DACH2: variants seen among roughly 807,000 people sequenced by gnomAD.
The protein encoded by DACH2 is dachshund family transcription factor 2, also known as dachshund homolog 2.
Under a neutral mutation model 35.8 loss-of-function variants are expected in DACH2, and 17 were observed. The observed-to-expected ratio is 0.48, with a 90% CI of 0.33 to 0.71. The LOEUF is 0.71. Ranked by LOEUF, DACH2 falls within the 30% of genes least tolerant of loss-of-function variation. DACH2 has a pLI of 0.02. For synonymous variants in DACH2, 195 were observed against 177.3 expected (o/e 1.10, Z -0.79); for missense variants, 469 against 472.7 (o/e 0.99, Z 0.07).
intron 1 of DACH2, among the ~76,000 whole-genome samples, chrX:86,316,784 C>T (rs1432269014): frequency 9.0e-6 from 1 of 110,521 alleles, no homozygotes; most frequent in Non-Finnish European, 1.9e-5. Flanking sequence ...AGCTTGATGG[C>T]TTGTAAGTGA....
intron 3 of DACH2, among the ~76,000 whole-genome samples, chrX:86,523,195 A>G (rs1026459276): frequency 8.9e-6 from 1 of 111,888 alleles, no homozygotes; most frequent in African/African-American, 3.2e-5. Flanking sequence ...CAATTCAGCA[A>G]TAGTACCTAC....
chrX:86,531,950 C>A (rs1354269242), intron 3 of DACH2, among the ~76,000 whole-genome samples: 3 of 113,047 alleles, frequency 2.7e-5, no homozygotes, highest in Non-Finnish European at 3.7e-5. Context: ...CATCAGCATA[C>A]CCTGGATGTG....
chrX:86,217,774 A>G lies in DACH2; in HGVS notation c.488+68666A>G, dbSNP rs764237231. Among the ~76,000 whole-genome samples, 7 of 112,217 alleles carry G rather than the reference A, an allele frequency of 6.2e-5. 1 individual carries two copies. The South Asian group carries it at 2.2e-3, about 35-fold the overall frequency. The stretch of plus-strand genomic sequence containing the variant: ...AAGAAAAAGAAACAAATATTTTATC[A>G]TTAATAACATTGTAGAAGAAATCAG... On this transcript the variant is annotated intron_variant, in intron 1 of 11. Transcript: ENST00000373125.
chrX:86,391,977 AT>A (rs200256603), intron 2 of DACH2, among the ~76,000 whole-genome samples: 339 of 110,220 alleles, frequency 3.1e-3, no homozygotes, highest in African/African-American at 8.5e-3. Flanking sequence ...ATAGTTTGCA[AT>A]TTTTTTTTAT....
intron 3 of DACH2, among the ~76,000 whole-genome samples, chrX:86,590,552 A>C (rs2039631597): frequency 8.9e-6 from 1 of 112,073 alleles, no homozygotes; most frequent in African/African-American, 3.2e-5. Context: ...ATATGTGGCT[A>C]TACATTTTCA....
chrX:86,618,881 T>C (rs1327585856), intron 3 of DACH2, among the ~76,000 whole-genome samples: 19 of 112,123 alleles, frequency 1.7e-4, no homozygotes, highest in Non-Finnish European at 2.1e-4. Flanking sequence ...TACTTGCTTA[T>C]TTATATAAAC....
At chrX:86,222,150 G>A (rs1043711956) in intron 1 of DACH2, among the ~76,000 whole-genome samples, 6 of 112,120 alleles carry the variant, frequency 5.4e-5, no homozygotes, top group South Asian at 7.3e-4. Flanking sequence ...ATAGTGCCCC[G>A]TAAACTCTTA....
intron 4 of DACH2, among the ~76,000 whole-genome samples, chrX:86,661,662 G>A (rs1379813333): frequency 8.9e-6 from 1 of 112,204 alleles, no homozygotes; most frequent in Admixed American, 9.5e-5. Flanking sequence ...CGCAAGATTT[G>A]TGTAGACATA....
At chrX:86,772,009 CA>C (rs2041992114) in intron 7 of DACH2, among the ~76,000 whole-genome samples, 1 of 111,591 alleles carries the variant, frequency 9.0e-6, no homozygotes, top group African/African-American at 3.3e-5. Context: ...GCTAACAGTG[CA>C]GAATCTAGAG....
intron 1 of DACH2, among the ~76,000 whole-genome samples, chrX:86,279,012 G>A (rs1024522886): frequency 8.9e-6 from 1 of 111,843 alleles, no homozygotes; most frequent in Admixed American, 9.5e-5. Context: ...CTACGGGCAG[G>A]GCATCTTTAA....
intron 2 of DACH2, among the ~76,000 whole-genome samples, chrX:86,498,405 G>A (rs1471787869): frequency 1.8e-5 from 2 of 112,266 alleles, no homozygotes; most frequent in African/African-American, 6.5e-5. Flanking sequence ...TATGGCTGAA[G>A]AGTAATATTT....
intron 2 of DACH2, among the ~76,000 whole-genome samples, chrX:86,508,493 G>A (rs1354414450): frequency 9.1e-6 from 1 of 110,248 alleles, no homozygotes; most frequent in African/African-American, 3.3e-5. Context: ...CCGGGAAGCA[G>A]AGGTTGCAGT....
intron 3 of DACH2, among the ~76,000 whole-genome samples, chrX:86,528,456 A>G (rs369513943): frequency 8.9e-6 from 1 of 111,908 alleles, no homozygotes; most frequent in Non-Finnish European, 1.9e-5. Flanking sequence ...TCTGGCCACA[A>G]GAGATAAAAG....
intron 3 of DACH2, among the ~76,000 whole-genome samples, chrX:86,643,118 G>A (rs2040367284): frequency 9.5e-6 from 1 of 105,600 alleles, no homozygotes; most frequent in African/African-American, 3.4e-5. Context: ...GAGCTGAACT[G>A]AAGGGAACTG....
At chrX:86,409,260 G>A (rs1446193842) in intron 2 of DACH2, among the ~76,000 whole-genome samples, 1 of 111,500 alleles carries the variant, frequency 9.0e-6, no homozygotes, top group East Asian at 2.8e-4. Flanking sequence ...CTGTTTAAAA[G>A]ACTACTCATA....
At chrX:86,402,977 C>T (rs2036461314) in intron 2 of DACH2, among the ~76,000 whole-genome samples, 1 of 111,711 alleles carries the variant, frequency 9.0e-6, no homozygotes, top group African/African-American at 3.3e-5. Flanking sequence ...ACTGGCTAGC[C>T]ATATGTAGAA....
intron 2 of DACH2, among the ~76,000 whole-genome samples, chrX:86,513,377 G>A (rs1025591540): frequency 6.3e-5 from 7 of 111,764 alleles, no homozygotes; most frequent in African/African-American, 2.3e-4. Context: ...AATATATTGG[G>A]TGACTCGAGA....
intron 7 of DACH2, among the ~76,000 whole-genome samples, chrX:86,745,723 A>G (rs183548830): frequency 1.8e-5 from 2 of 111,270 alleles, no homozygotes; most frequent in East Asian, 5.7e-4. Flanking sequence ...ATGATTTAGA[A>G]TGGTTTATAT....
At chrX:86,646,514 T>A (rs1365408259) in intron 3 of DACH2, among the ~76,000 whole-genome samples, 10 of 109,338 alleles carry the variant, frequency 9.1e-5, no homozygotes, top group African/African-American at 3.3e-4. Flanking sequence ...AGGGAAAAAA[T>A]TTCTTGATAT....
Sources: allele counts gnomAD v4.1 joint callset (sites outside exome capture counted in the v4.1 genomes callset), GRCh38; gene constraint gnomAD v4.1.1; transcripts MANE v1.5; gene names NCBI Gene and HGNC (gene_info 2026-07-23, HGNC 2026-07-21).